The following VAV2 variants were observed in gnomAD, a reference collection of about 807,000 sequenced individuals.
VAV2 encodes the protein vav guanine nucleotide exchange factor 2, also known as guanine nucleotide exchange factor VAV2.
Under a neutral mutation model 132.5 loss-of-function variants are expected in VAV2, and 67 were observed. That is an observed-to-expected ratio of 0.51 (90% CI 0.42 to 0.62). The LOEUF (loss-of-function observed/expected upper bound fraction) is 0.62. VAV2 is among the 20% of genes least tolerant of loss of function. The probability of loss-of-function intolerance (pLI) is 0.00; values close to 1 mark genes in which losing one functional copy is unlikely to be tolerated. For missense variants in VAV2, 938 were observed against 1,153.6 expected (o/e 0.81, Z 2.71); for synonymous variants, 492 against 443.5 (o/e 1.11, Z -1.37).
At chr9:133,845,561 G>C (rs986113219) in intron 3 of VAV2, among the ~76,000 whole-genome samples, 1 of 152,156 alleles carries the variant, frequency 6.6e-6, no homozygotes, top group Admixed American at 6.5e-5. Context: ...ACTTCCTGCC[G>C]ACTTGTCTGC....
rs1005700432 is a variant in VAV2, at chr9:133,788,548, G to A, written c.1275-62C>T. ...GCACTGTGTGCTCTGCTCCGAGGAGGCGGCAGGAGCTGAGCCTGAGGCTCT... is the reference window on the plus strand; with the variant it reads ...GCACTGTGTGCTCTGCTCCGAGGAGACGGCAGGAGCTGAGCCTGAGGCTCT... On this transcript the variant is annotated intron_variant, in intron 14 of 29. Coordinates refer to ENST00000371850, the MANE Select transcript of VAV2 (RefSeq NM_001134398.2). This position sits in a 1 kb window ranked among gnomAD's most constrained non-coding sequence, Gnocchi z 5.3. The A allele has an allele frequency of 1.5e-4, 237 of 1,567,550 alleles. 2 individuals are homozygous for A. The highest frequency in any genetic ancestry group is 8.7e-4 in the Middle Eastern group (4 of 4,622).
At chr9:133,924,974 C>T (rs1026413662) in intron 2 of VAV2, among the ~76,000 whole-genome samples, 1 of 152,220 alleles carries the variant, frequency 6.6e-6, no homozygotes, top group African/African-American at 2.4e-5. Flanking sequence ...CTAAAGGCCA[C>T]ATATTGTAGG....
chr9:133,798,819 G>A (rs990670796), intron 9 of VAV2, among the ~76,000 whole-genome samples: 1 of 152,326 alleles, frequency 6.6e-6, no homozygotes, highest in Non-Finnish European at 1.5e-5. Flanking sequence ...GGAGACTGAG[G>A]CCTCCGTGAA....
At chr9:133,908,371 G>T (rs1364272200) in intron 2 of VAV2, among the ~76,000 whole-genome samples, 1 of 152,070 alleles carries the variant, frequency 6.6e-6, no homozygotes, top group Non-Finnish European at 1.5e-5. Flanking sequence ...AACCCCCCAT[G>T]CGAGGCCAGT....
At chr9:133,976,693 C>A (rs571871812) in intron 1 of VAV2, among the ~76,000 whole-genome samples, 11 of 152,212 alleles carry the variant, frequency 7.2e-5, no homozygotes, top group Non-Finnish European at 1.6e-4. Flanking sequence ...TTCTGTCCTG[C>A]GACGGAGCTG....
At chr9:133,812,268 C>T in intron 4 of VAV2, 52 bp from the exon 5 acceptor site, 3 of 1,578,198 alleles carry the variant, frequency 1.9e-6, no homozygotes, top group Middle Eastern at 1.7e-4. Context: ...GCCACCCTGA[C>T]CGGGGAGCCG....
At chr9:133,978,564 G>A (rs1450550678) in intron 1 of VAV2, among the ~76,000 whole-genome samples, 2 of 150,582 alleles carry the variant, frequency 1.3e-5, no homozygotes, top group Non-Finnish European at 2.9e-5. Context: ...TGACTTCAGG[G>A]CCAAGCTGGC....
chr9:133,784,266 CTGGGCTGGGCG>C, intron 18 of VAV2, 40 bp downstream of exon 18: 5 of 1,577,288 alleles, frequency 3.2e-6, no homozygotes, highest in Non-Finnish European at 4.4e-6. Context: ...TCTCAGGGGC[CTGGGCTGGGCG>C]TGGAGCGAGG....
In VAV2 at chr9:133,884,377, T is replaced by C. The variant is rs1457304376; in HGVS notation, c.322-22945A>G. ...ACTCAAAGGACGCTCATCAAAGCAGTGCTTCCTTAGGCGCTTGGGTGCTCA... is the reference window on the plus strand; with the variant it reads ...ACTCAAAGGACGCTCATCAAAGCAGCGCTTCCTTAGGCGCTTGGGTGCTCA... On this transcript the variant is annotated intron_variant, in intron 2 of 29. Coordinates refer to ENST00000371850, the MANE Select transcript of VAV2 (RefSeq NM_001134398.2). This position sits in a 1 kb window ranked among gnomAD's most constrained non-coding sequence, Gnocchi z 5.3. Among the ~76,000 whole-genome samples, 1 of 152,196 alleles carries C rather than the reference T, an allele frequency of 6.6e-6. No individual in the cohort carries two copies. The highest frequency in any genetic ancestry group is 2.4e-5 in the African/African-American group (1 of 41,446).
chr9:133,791,959 T>A (rs923485131), intron 12 of VAV2, 90 bp from the exon 13 acceptor site: 1 of 301,900 alleles, frequency 3.3e-6, no homozygotes, highest in Non-Finnish European at 4.9e-6. Flanking sequence ...GTGGGGTGTG[T>A]GTGCATGTGA....
At chr9:133,776,388 T>C (rs970897704) in intron 23 of VAV2, among the ~76,000 whole-genome samples, 3 of 113,714 alleles carry the variant, frequency 2.6e-5, no homozygotes, top group Admixed American at 7.8e-5. Flanking sequence ...CCAGTGGATG[T>C]GAGACACCCA....
At position 133,823,888 on chromosome 9, in the gene VAV2, G is replaced by A. The variant is rs534016714; in HGVS notation, c.449+10384C>T. 2.5e-4 allele frequency among the ~76,000 whole-genome samples: 38 copies of A among 152,262 alleles called. No individual in the cohort carries two copies. Among genetic ancestry groups the A allele is most frequent in the African/African-American group, 9.1e-4 (38 of 41,564 alleles). ...TCACACACACACGGGAATGCGGAGC[G>A]GGCAGGGTGGTCACGCGCACCTGCT... On this transcript the variant is annotated intron_variant, in intron 4 of 29. Coordinates refer to ENST00000371850, the MANE Select transcript of VAV2 (RefSeq NM_001134398.2). This position sits in a 1 kb window ranked among gnomAD's most constrained non-coding sequence, Gnocchi z 5.5.
chr9:133,960,211 G>A (rs2519796), intron 1 of VAV2, among the ~76,000 whole-genome samples: 98,744 of 152,134 alleles, frequency 0.65, 32,224 homozygotes, highest in East Asian at 0.78. Context: ...AAGACAACGC[G>A]TTCCCAAAGG....
chr9:133,963,253 A>C (rs1842022125), intron 1 of VAV2, among the ~76,000 whole-genome samples: 1 of 152,170 alleles, frequency 6.6e-6, no homozygotes, highest in Non-Finnish European at 1.5e-5. Flanking sequence ...TCAGTCAATC[A>C]GGGATCGGAG....
intron 6 of VAV2, among the ~76,000 whole-genome samples, chr9:133,809,728 T>C (rs1445301231): frequency 6.6e-6 from 1 of 152,106 alleles, no homozygotes; most frequent in Non-Finnish European, 1.5e-5. Flanking sequence ...TGCCCCCACC[T>C]CTGGTGGAAT....
At chr9:133,778,726 C>A in intron 22 of VAV2, 36 bp downstream of exon 22, 1 of 1,607,356 alleles carries the variant, frequency 6.2e-7, no homozygotes, top group Non-Finnish European at 8.5e-7. Flanking sequence ...GAGCTGGAGC[C>A]GGGGACCCTC....
Position 133,861,053 on chromosome 9 carries a change from G to A in VAV2, c.380+321C>T, listed in dbSNP as rs1413375803. 3.9e-5 allele frequency among the ~76,000 whole-genome samples: 6 copies of A among 152,180 alleles called. No individual in the cohort carries two copies. In the East Asian group the frequency reaches 5.8e-4, roughly 15 times the overall value. The stretch of plus-strand genomic sequence containing the variant: ...CTACCTCATTCTCGGCACAGCCCCC[G>A]GTTCTGATGTGTGGAGAGTGCATTT... On this transcript the variant is annotated intron_variant, in intron 3 of 29. Transcript: ENST00000371850.
rs961755478 is a variant in VAV2 at position 133,991,979 on chromosome 9, C to A, written c.204+96G>T. 6.4e-6 allele frequency: 7 copies of A among 1,096,358 alleles called. No homozygotes were observed. Among genetic ancestry groups the A allele is most frequent in the Non-Finnish European group, 8.0e-6 (7 of 876,180 alleles). 67.9% of individuals were successfully genotyped at this position (1,096,358 alleles called of 1,614,324 possible). ...GAGCCCGGCCGCCCCAGCCAGGGCG[C>A]CTGGGCCGCCGCCGCTGCGACCTCC... On this transcript the variant is annotated intron_variant, in intron 1 of 29. Transcript: ENST00000371850. The surrounding 1 kb of genome is among the most constrained non-coding windows in gnomAD (Gnocchi z 4.8).
rs770733767 is a variant in VAV2, at chr9:133,961,839, C to G, written c.205-22620G>C. ...GAGTGGCCCCTCGTTCTGGTGGCCA[C>G]GCAGGCCTAGGCTGGGAACAGGGAG... On this transcript the variant is annotated intron_variant, in intron 1 of 29. Coordinates refer to ENST00000371850, the MANE Select transcript of VAV2 (RefSeq NM_001134398.2). The surrounding 1 kb of genome is among the most constrained non-coding windows in gnomAD (Gnocchi z 4.1). Among the ~76,000 whole-genome samples, 1 of 152,156 alleles carries G rather than the reference C, an allele frequency of 6.6e-6. No individual in the cohort carries two copies. Among genetic ancestry groups the G allele is most frequent in the Non-Finnish European group, 1.5e-5 (1 of 68,016 alleles).
Sources: allele counts gnomAD v4.1 joint callset (sites outside exome capture counted in the v4.1 genomes callset), GRCh38; gene constraint gnomAD v4.1.1; non-coding constraint Gnocchi (gnomAD v3.1); transcripts MANE v1.5; gene names NCBI Gene and HGNC (gene_info 2026-07-23, HGNC 2026-07-21).